Variants in ATP6V0A4 observed in about 807,000 individuals in gnomAD.
ATP6V0A4 encodes V-type proton ATPase 116 kDa subunit a 4.
ATP6V0A4 carries 86 observed loss-of-function variants against 107.3 expected under a neutral mutation model. The ratio of observed to expected loss-of-function variants is 0.80; its 90% CI spans 0.67 to 0.96. ATP6V0A4 has a LOEUF of 0.96. ATP6V0A4 is among the 40% of genes least tolerant of loss of function. The pLI is 0.00. For synonymous variants in ATP6V0A4, 353 were observed against 381.4 expected, an observed-to-expected ratio of 0.93 and a Z score of 0.87; for missense variants, 908 against 1,045.6, an observed-to-expected ratio of 0.87 and a Z score of 1.81.
chr7:138,792,509 T>A (rs1808461410), intron 1 of ATP6V0A4, among the ~76,000 whole-genome samples: 1 of 152,000 alleles, frequency 6.6e-6, no homozygotes, highest in Non-Finnish European at 1.5e-5. Flanking sequence ...ACCCAACAAC[T>A]CAATCCAAAA....
At position 138,728,725 on chromosome 7, in the gene ATP6V0A4, T is replaced by C. The variant is rs371299902; in HGVS notation, c.2010+36A>G. 1,047 of 1,613,478 alleles carry C rather than the reference T, an allele frequency of 6.5e-4. 1 individual carries two copies. Among genetic ancestry groups the C allele is most frequent in the Non-Finnish European group, 8.5e-4 (997 of 1,179,580 alleles). On this transcript the variant is annotated intron_variant, in intron 18 of 21. Transcript: ENST00000310018. Reference sequence around the variant, plus strand: ...ATCTTTCCAGAAACCCACATTCTTATGCAAAGTAGGGTGAACTGAAACAAA... The same window carrying C: ...ATCTTTCCAGAAACCCACATTCTTACGCAAAGTAGGGTGAACTGAAACAAA...
intron 2 of ATP6V0A4, among the ~76,000 whole-genome samples, chr7:138,776,283 G>A (rs1414494434): frequency 4.6e-5 from 7 of 152,184 alleles, no homozygotes; most frequent in African/African-American, 1.7e-4. Flanking sequence ...TTGTGAACCT[G>A]GGGCAGTGGA....
chr7:138,731,680 G>A lies in ATP6V0A4; in HGVS notation c.1908+1197C>T, dbSNP rs548957963. Among the ~76,000 whole-genome samples the A allele has an allele frequency of 5.4e-4, 82 of 152,126 alleles. 1 individual carries two copies. In the South Asian group the frequency reaches 9.7e-3, roughly 18 times the overall value. ...GTCTGAGGTGGATGGATTACCTGTG[G>A]TTAGGAGTTCAAGACCAGCCTGACC... On this transcript the variant is annotated intron_variant, in intron 17 of 21. Transcript: ENST00000310018.
At chr7:138,760,060 C>G in intron 7 of ATP6V0A4, 182 bp from the exon 8 acceptor site, 1 of 481,462 alleles carries the variant, frequency 2.1e-6, no homozygotes, top group Non-Finnish European at 2.7e-6. Context: ...CCCTGACTTG[C>G]CCCAAGTCCC....
At chr7:138,768,997 C>T in intron 4 of ATP6V0A4, 123 bp from the exon 5 acceptor site, 1 of 1,569,572 alleles carries the variant, frequency 6.4e-7, no homozygotes, top group Non-Finnish European at 8.6e-7. Context: ...CTAGGAGCTG[C>T]CACAGCACCT....
chr7:138,795,453 G>A (rs1808613171), intron 1 of ATP6V0A4, among the ~76,000 whole-genome samples: 1 of 152,140 alleles, frequency 6.6e-6, no homozygotes, highest in Non-Finnish European at 1.5e-5. Flanking sequence ...ACCCCAGGCA[G>A]GCCATCTTAC....
At chr7:138,742,517 GTGTTTGTT>G (rs375582932) in intron 14 of ATP6V0A4, among the ~76,000 whole-genome samples, 136 of 152,176 alleles carry the variant, frequency 8.9e-4, no homozygotes, top group African/African-American at 1.7e-3. Flanking sequence ...AAGAATGAAT[GTGTTTGTT>G]TGTTTGTTTG....
rs1422639368 is a variant in ATP6V0A4 at position 138,721,960 on chromosome 7, A to AGAAG, written c.2072_2075dup (p.Ser693PhefsTer2). The stretch of plus-strand genomic sequence containing the variant: ...CAGAAGTCCTCTGGCCAGAACGGCT[A>AGAAG]GAAGGGCTGGAGCTATCACCTTCAA... On this transcript the variant is annotated frameshift_variant, in exon 19 of 22. Transcript: ENST00000310018. LOFTEE classifies it high-confidence loss of function. The AGAAG allele has an allele frequency of 6.2e-7, 1 of 1,614,082 alleles. No individual in the cohort carries two copies. Among genetic ancestry groups the AGAAG allele is most frequent in the Non-Finnish European group, 8.5e-7 (1 of 1,180,048 alleles).
At chr7:138,755,113 G>A (rs937558450) in intron 10 of ATP6V0A4, among the ~76,000 whole-genome samples, 1 of 152,150 alleles carries the variant, frequency 6.6e-6, no homozygotes, top group African/African-American at 2.4e-5. Flanking sequence ...GTCTGCCAGC[G>A]AGGGAGGCCC....
intron 19 of ATP6V0A4, among the ~76,000 whole-genome samples, chr7:138,718,976 G>A (rs1453621907): frequency 6.6e-6 from 1 of 152,038 alleles, no homozygotes; most frequent in Admixed American, 6.6e-5. Context: ...CTTGAGCCAA[G>A]GAGTTCAGAA....
At chr7:138,752,986 C>T in intron 10 of ATP6V0A4, 149 bp from the exon 11 acceptor site, 1 of 1,443,696 alleles carries the variant, frequency 6.9e-7, no homozygotes, top group Non-Finnish European at 9.3e-7. Context: ...TTGAACTCTC[C>T]TGAGCAGTTT....
At chr7:138,731,899 TAA>T (rs1491377788) in intron 17 of ATP6V0A4, among the ~76,000 whole-genome samples, 2 of 121,502 alleles carry the variant, frequency 1.6e-5, no homozygotes, top group Admixed American at 8.3e-5. Flanking sequence ...TCTCCAAAAA[TAA>T]AAATAAATAA....
At chr7:138,762,491 C>A in intron 6 of ATP6V0A4, 57 bp from the exon 7 acceptor site, 1 of 1,604,252 alleles carries the variant, frequency 6.2e-7, no homozygotes, top group Non-Finnish European at 8.5e-7. Context: ...ACTCAAAAGG[C>A]ACCTACACCT....
chr7:138,712,394 C>T (rs1045658928), intron 20 of ATP6V0A4, among the ~76,000 whole-genome samples: 1 of 152,120 alleles, frequency 6.6e-6, no homozygotes, highest in Admixed American at 6.6e-5. Flanking sequence ...CACCCCAACA[C>T]ATAGTGCCAA....
intron 15 of ATP6V0A4, among the ~76,000 whole-genome samples, chr7:138,738,223 A>C (rs550563030): frequency 6.8e-4 from 103 of 152,190 alleles, no homozygotes; most frequent in Non-Finnish European, 1.2e-3. Flanking sequence ...TTTCACCCTG[A>C]CATATTTTCT....
intron 20 of ATP6V0A4, among the ~76,000 whole-genome samples, chr7:138,714,460 C>T (rs1447574462): frequency 6.6e-6 from 1 of 151,962 alleles, no homozygotes; most frequent in South Asian, 2.1e-4. Context: ...AATCCCAGCA[C>T]TTTGGGAGGC....
chr7:138,723,796 G>A lies in ATP6V0A4; in HGVS notation c.2011-1771C>T, dbSNP rs545275412. Reference sequence around the variant, plus strand: ...CTGCCTCGGCCTCCCAAAGTGCTACGATTACAGGCGTGAGCCACCACACCC... The same window carrying A: ...CTGCCTCGGCCTCCCAAAGTGCTACAATTACAGGCGTGAGCCACCACACCC... On this transcript the variant is annotated intron_variant, in intron 18 of 21. Transcript: ENST00000310018. 5.3e-5 allele frequency among the ~76,000 whole-genome samples: 8 copies of A among 151,954 alleles called. No homozygotes were observed. The East Asian group carries it at 1.2e-3, about 22-fold the overall frequency.
chr7:138,797,538 A>C (rs1808741481), intron 1 of ATP6V0A4, among the ~76,000 whole-genome samples: 1 of 151,750 alleles, frequency 6.6e-6, no homozygotes, highest in South Asian at 2.1e-4. Context: ...TTTCTTCTTG[A>C]AGCATCCCAT....
At chr7:138,733,822 C>CCTGT (rs1805160561) in intron 16 of ATP6V0A4, among the ~76,000 whole-genome samples, 2 of 152,130 alleles carry the variant, frequency 1.3e-5, no homozygotes. Flanking sequence ...AGGTGATCCA[C>CCTGT]CTGTCGGCCT....
Sources: allele counts gnomAD v4.1 joint callset (sites outside exome capture counted in the v4.1 genomes callset), GRCh38; gene constraint gnomAD v4.1.1; transcripts MANE v1.5; gene names NCBI Gene and HGNC (gene_info 2026-07-23, HGNC 2026-07-21).